The following ESR2 variants were observed in gnomAD, a reference collection of about 807,000 sequenced individuals.
ESR2 encodes the protein estrogen receptor beta.
A neutral mutation model predicts 49.6 loss-of-function variants in ESR2; 36 were observed. The ratio of observed to expected loss-of-function variants is 0.73; its 90% CI spans 0.56 to 0.96. The LOEUF (loss-of-function observed/expected upper bound fraction) is 0.96, where lower values mean the gene tolerates loss of function less well. Ranked by LOEUF, ESR2 falls within the 40% of genes least tolerant of loss-of-function variation. The probability of loss-of-function intolerance (pLI) is 0.00; values close to 1 mark genes in which losing one functional copy is unlikely to be tolerated. For synonymous variants in ESR2, 320 were observed against 266.1 expected, an observed-to-expected ratio of 1.20 and a Z score of -1.97; for missense variants, 714 against 693.0, an observed-to-expected ratio of 1.03 and a Z score of -0.34.
chr14:64,316,803 C>T (rs1259804766), intron 1 of ESR2, among the ~76,000 whole-genome samples: 1 of 151,962 alleles, frequency 6.6e-6, no homozygotes, highest in Non-Finnish European at 1.5e-5. Flanking sequence ...ACTAAGACTC[C>T]ATCTCAAAAA....
intron 4 of ESR2, among the ~76,000 whole-genome samples, chr14:64,261,243 T>TC (rs1567754772): frequency 1.5e-5 from 2 of 134,338 alleles, no homozygotes; most frequent in South Asian, 2.4e-4. Flanking sequence ...TTTTTTCTTT[T>TC]TTTTTTTTTT....
intron 6 of ESR2, among the ~76,000 whole-genome samples, chr14:64,252,283 G>A (rs1257322094): frequency 6.7e-6 from 1 of 149,110 alleles, no homozygotes; most frequent in East Asian, 1.9e-4. Context: ...CTGCACTCCA[G>A]CCTGGGCCAC....
At position 64,230,918 on chromosome 14, in the gene ESR2, G is replaced by C. The variant is rs1052586975; in HGVS notation, c.*2219C>G. ...TGGCAATTTTTTTTTTTTTTTTTTTGAGACAGGGTCTCCCTCTGTCACCCA... is the reference window on the plus strand; with the variant it reads ...TGGCAATTTTTTTTTTTTTTTTTTTCAGACAGGGTCTCCCTCTGTCACCCA... On this transcript the variant is annotated 3_prime_UTR_variant, in exon 9 of 9. Coordinates refer to ENST00000341099, the MANE Select transcript of ESR2 (RefSeq NM_001437.3). 3 of 40,412 alleles carry C rather than the reference G, an allele frequency of 7.4e-5. No homozygotes were observed. Among genetic ancestry groups the C allele is most frequent in the Admixed American group, 2.6e-4 (1 of 3,874 alleles). The allele number at this position is 40,412 out of a possible 1,614,324, so 2.5% of individuals were successfully genotyped here. A position where few individuals can be genotyped will look rare whatever the true frequency, so the allele number is the denominator to read the frequency against.
At chr14:64,258,135 G>A (rs911490279) in intron 5 of ESR2, among the ~76,000 whole-genome samples, 2 of 152,136 alleles carry the variant, frequency 1.3e-5, no homozygotes, top group African/African-American at 4.8e-5. Context: ...CCTGAGCCCA[G>A]GAGGTCGAGG....
In ESR2 at chr14:64,253,251, C is replaced by T. The variant is rs775328357; in HGVS notation, c.1092-3572G>A. Among the ~76,000 whole-genome samples the T allele has an allele frequency of 7.2e-5, 11 of 152,028 alleles. No homozygotes were observed. In the East Asian group the frequency reaches 1.2e-3, roughly 16 times the overall value. On this transcript the variant is annotated intron_variant, in intron 6 of 8. Coordinates refer to ENST00000341099, the MANE Select transcript of ESR2 (RefSeq NM_001437.3). Reference sequence around the variant, plus strand: ...TGTCGCCCCAGCTGGAGTGCAATGACGTGATCTTGGCTCACTGCAACCTCC... The same window carrying T: ...TGTCGCCCCAGCTGGAGTGCAATGATGTGATCTTGGCTCACTGCAACCTCC...
chr14:64,280,550 A>G (rs757376648), intron 2 of ESR2, among the ~76,000 whole-genome samples: 1 of 152,218 alleles, frequency 6.6e-6, no homozygotes, highest in African/African-American at 2.4e-5. Context: ...TGTAGTTACT[A>G]GAGTTCACGA....
intron 4 of ESR2, among the ~76,000 whole-genome samples, chr14:64,262,416 A>C (rs1204491193): frequency 1.3e-5 from 2 of 152,156 alleles, no homozygotes; most frequent in East Asian, 3.9e-4. Context: ...CATCCGGCCC[A>C]AGAATTAAGT....
At chr14:64,269,058 G>C in intron 3 of ESR2, 147 bp from the exon 4 acceptor site, 1 of 567,972 alleles carries the variant, frequency 1.8e-6, no homozygotes, top group Admixed American at 3.2e-5. Flanking sequence ...CCAAAGTCAA[G>C]CTACATTGTC....
At chr14:64,329,150 C>G (rs528939804) in intron 1 of ESR2, among the ~76,000 whole-genome samples, 1 of 152,114 alleles carries the variant, frequency 6.6e-6, no homozygotes, top group Admixed American at 6.5e-5. Context: ...CCTTATGATA[C>G]TGTGTGTGTA....
chr14:64,239,375 A>C (rs1320268507), intron 7 of ESR2, among the ~76,000 whole-genome samples: 1 of 152,204 alleles, frequency 6.6e-6, no homozygotes, highest in Non-Finnish European at 1.5e-5. Context: ...GGTTTAAGCC[A>C]GTGTCTCTTA....
intron 7 of ESR2, among the ~76,000 whole-genome samples, chr14:64,246,637 C>T (rs1162249229): frequency 6.8e-6 from 1 of 146,106 alleles, no homozygotes; most frequent in Admixed American, 7.1e-5. Context: ...TGAGGCATCG[C>T]TTGAGAATCA....
downstream of ESR2, chr14:64,228,124 G>T (rs1480049410): frequency 2.6e-6 from 3 of 1,173,056 alleles, no homozygotes; most frequent in African/African-American, 1.6e-5. Flanking sequence ...ATACATTAAA[G>T]CAGAGCTTCT....
intron 1 of ESR2, among the ~76,000 whole-genome samples, chr14:64,334,641 G>T (rs1346964788): frequency 6.6e-6 from 1 of 152,192 alleles, no homozygotes; most frequent in Non-Finnish European, 1.5e-5. Flanking sequence ...CACTATCAAA[G>T]AAATTGTGGT....
chr14:64,281,870 T>C (rs1377992788), intron 2 of ESR2, among the ~76,000 whole-genome samples: 1 of 152,266 alleles, frequency 6.6e-6, no homozygotes, highest in Non-Finnish European at 1.5e-5. Context: ...ACCAATCATC[T>C]ATCTTTTCAT....
intron 1 of ESR2, among the ~76,000 whole-genome samples, chr14:64,325,751 A>G (rs1256621864): frequency 6.6e-6 from 1 of 152,108 alleles, no homozygotes; most frequent in Non-Finnish European, 1.5e-5. Context: ...GAGAATGAAG[A>G]CCTTTATGAT....
upstream of ESR2, among the ~76,000 whole-genome samples, chr14:64,295,503 CTAAG>C (rs1249884461): frequency 2.0e-5 from 3 of 152,188 alleles, no homozygotes; most frequent in Non-Finnish European, 4.4e-5. Flanking sequence ...CTGCCCCACC[CTAAG>C]TCCAATTTTC....
intron 8 of ESR2, 159 bp from the exon 9 acceptor site, chr14:64,233,482 T>G (rs1478490897): frequency 1.5e-6 from 1 of 655,900 alleles, no homozygotes; most frequent in African/African-American, 1.8e-5. Context: ...CAGCTCCCCC[T>G]GATAATTTAG....
intron 3 of ESR2, among the ~76,000 whole-genome samples, chr14:64,276,028 GAATTA>G (rs1444550186): frequency 2.6e-5 from 4 of 151,894 alleles, no homozygotes; most frequent in Admixed American, 6.6e-5. Flanking sequence ...AATTTCTTTT[GAATTA>G]AATAATAAAA....
intron 4 of ESR2, among the ~76,000 whole-genome samples, chr14:64,262,998 A>G (rs1249373519): frequency 6.6e-6 from 1 of 152,224 alleles, no homozygotes; most frequent in East Asian, 1.9e-4. Flanking sequence ...ATCAACTCCT[A>G]AAAGGGAAGA....
Sources: allele counts gnomAD v4.1 joint callset (sites outside exome capture counted in the v4.1 genomes callset), GRCh38; gene constraint gnomAD v4.1.1; transcripts MANE v1.5; gene names NCBI Gene and HGNC (gene_info 2026-07-23, HGNC 2026-07-21).